Variants in DOT1L observed in about 807,000 individuals in gnomAD.
DOT1L encodes the protein DOT1 like histone lysine methyltransferase.
DOT1L carries 33 observed loss-of-function variants against 153.3 expected under a neutral mutation model. The ratio of observed to expected loss-of-function variants is 0.22; its 90% confidence interval spans 0.16 to 0.29. DOT1L has a LOEUF of 0.29. Among genes scored for constraint, DOT1L ranks in the 10% least tolerant of loss-of-function variants. DOT1L has a pLI of 1.00. For missense variants in DOT1L, 1,847 were observed against 2,119.9 expected, an observed-to-expected ratio of 0.87 and a Z score of 2.53; for synonymous variants, 1,135 against 965.1, an observed-to-expected ratio of 1.18 and a Z score of -3.26.
rs375259405 is a variant in DOT1L, at chr19:2,208,883, C to T, written c.964-52C>T. On this transcript the variant is annotated intron_variant, in intron 11 of 27. Coordinates refer to ENST00000398665, the MANE Select transcript of DOT1L (RefSeq NM_032482.3). The surrounding 1 kb of genome is among the most constrained non-coding windows in gnomAD (Gnocchi z 4.4). The stretch of plus-strand genomic sequence containing the variant: ...TGTTACCTGGGTGTCCAGACAAATC[C>T]GAACAGAGATTGGGACTCCCTTCTA... 3.6e-5 allele frequency: 57 copies of T among 1,586,878 alleles called. No individual in the cohort carries two copies. The highest frequency in any genetic ancestry group is 1.5e-4 in the South Asian group (13 of 88,482).
At chr19:2,214,123 T>A in intron 18 of DOT1L, 137 bp downstream of exon 18, 1 of 1,369,238 alleles carries the variant, frequency 7.3e-7, no homozygotes, top group Non-Finnish European at 9.8e-7. Flanking sequence ...TTGCGCCACC[T>A]GTGAAAGCTT....
chr19:2,170,526 T>C (rs2021556585), intron 1 of DOT1L, among the ~76,000 whole-genome samples: 2 of 152,168 alleles, frequency 1.3e-5, no homozygotes, highest in African/African-American at 4.8e-5. Flanking sequence ...TGTTTCCTAC[T>C]GGGCAGCCCC....
At chr19:2,216,097 A>C in intron 19 of DOT1L, 184 bp from the exon 20 acceptor site, 1 of 756,358 alleles carries the variant, frequency 1.3e-6, no homozygotes, top group East Asian at 2.8e-5. Flanking sequence ...GGCCCTCCAC[A>C]TGACTTTATT....
Position 2,230,389 on chromosome 19 carries a change from G to A in DOT1L, c.*597G>A. 2.5e-6 allele frequency: 1 copy of A among 405,782 alleles called. No individual in the cohort carries two copies. Among genetic ancestry groups the A allele is most frequent in the African/African-American group, 2.0e-5 (1 of 48,788 alleles). The allele number at this position is 405,782 out of a possible 1,614,324, so 25.1% of individuals were successfully genotyped here. ...CCCTGAGCTCTTCACCTTTACCCCGGCACTGTGAACCCCCAGACTGTTCAC... is the reference window on the plus strand; with the variant it reads ...CCCTGAGCTCTTCACCTTTACCCCGACACTGTGAACCCCCAGACTGTTCAC... On this transcript the variant is annotated 3_prime_UTR_variant, in exon 28 of 28. Transcript: ENST00000398665.
intron 3 of DOT1L, among the ~76,000 whole-genome samples, chr19:2,187,955 G>A (rs536685466): frequency 2.4e-4 from 36 of 149,568 alleles, no homozygotes; most frequent in Admixed American, 2.3e-3. Context: ...TGAAAAGACA[G>A]GAAGGGCCAG....
Position 2,186,434 on chromosome 19 carries a change from C to T in DOT1L, c.200+505C>T, listed in dbSNP as rs76410621. On this transcript the variant is annotated intron_variant, in intron 3 of 27. Transcript: ENST00000398665. ...GGCAGGGCTGTCTCTGGAATGCTTGCTTGGAAGTGTTTTGTTTTTCTTTGA... is the reference window on the plus strand; with the variant it reads ...GGCAGGGCTGTCTCTGGAATGCTTGTTTGGAAGTGTTTTGTTTTTCTTTGA... 6.1e-3 allele frequency among the ~76,000 whole-genome samples: 935 copies of T among 152,280 alleles called. 9 individuals are homozygous for T. The highest frequency in any genetic ancestry group is 0.019 in the African/African-American group (804 of 41,562).
intron 1 of DOT1L, among the ~76,000 whole-genome samples, chr19:2,164,912 T>G (rs540178145): frequency 9.8e-5 from 15 of 152,324 alleles, no homozygotes; most frequent in African/African-American, 3.6e-4. Flanking sequence ...TTATTTATCC[T>G]TGGAAATTGG....
intron 26 of DOT1L, 67 bp downstream of exon 26, chr19:2,225,519 G>A (rs1186590123): frequency 2.0e-6 from 3 of 1,524,180 alleles, no homozygotes; most frequent in Admixed American, 1.7e-5. Flanking sequence ...AGTCAGTGCT[G>A]CTGACCCACC....
At position 2,191,580 on chromosome 19, in the gene DOT1L, G is replaced by A. The variant is rs2022794500; in HGVS notation, c.493+340G>A. Among the ~76,000 whole-genome samples, 1 of 152,088 alleles carries A rather than the reference G, an allele frequency of 6.6e-6. No individual in the cohort carries two copies. Among genetic ancestry groups the A allele is most frequent in the Non-Finnish European group, 1.5e-5 (1 of 67,988 alleles). On this transcript the variant is annotated intron_variant, in intron 5 of 27. Coordinates refer to ENST00000398665, the MANE Select transcript of DOT1L (RefSeq NM_032482.3). This position sits in a 1 kb window ranked among gnomAD's most constrained non-coding sequence, Gnocchi z 6.8. Reference sequence around the variant, plus strand: ...CGCTCCCAGAAGCTGCCACTCGCTAGCCTGGGCCCCAGCCCGGGCCCCACC... The same window carrying A: ...CGCTCCCAGAAGCTGCCACTCGCTAACCTGGGCCCCAGCCCGGGCCCCACC...
rs1030809324 is a variant in DOT1L at position 2,222,999 on chromosome 19, T to C, written c.3391-282T>C. ...AGGCGGCCGACAGCTGTCTCTGGGG[T>C]TCGGAGTGCGATGCGCTGCCTGCAA... On this transcript the variant is annotated intron_variant, in intron 24 of 27. Coordinates refer to ENST00000398665, the MANE Select transcript of DOT1L (RefSeq NM_032482.3). This position sits in a 1 kb window ranked among gnomAD's most constrained non-coding sequence, Gnocchi z 6.5. 8.5e-6 allele frequency: 4 copies of C among 469,050 alleles called. No homozygotes were observed. The Admixed American group carries it at 1.2e-4, about 14-fold the overall frequency. The allele number at this position is 469,050 out of a possible 1,614,324, so 29.1% of individuals were successfully genotyped here.
chr19:2,168,762 C>T (rs2020020433), intron 1 of DOT1L, among the ~76,000 whole-genome samples: 1 of 152,036 alleles, frequency 6.6e-6, no homozygotes, highest in South Asian at 2.1e-4. Flanking sequence ...CTACAGGCAC[C>T]CGCCACCACG....
intron 2 of DOT1L, among the ~76,000 whole-genome samples, chr19:2,184,799 T>A (rs549914397): frequency 1.3e-5 from 2 of 152,310 alleles, no homozygotes; most frequent in Admixed American, 6.5e-5. Context: ...TTGCAGTGAC[T>A]AATTTTAGAG....
At chr19:2,186,959 T>C (rs986388503) in intron 3 of DOT1L, among the ~76,000 whole-genome samples, 11 of 152,344 alleles carry the variant, frequency 7.2e-5, no homozygotes, top group Admixed American at 3.3e-4. Flanking sequence ...TGCAGGGCCC[T>C]GCACAGAGCT....
chr19:2,200,806 G>GT (rs2023231282), intron 8 of DOT1L, among the ~76,000 whole-genome samples: 1 of 131,336 alleles, frequency 7.6e-6, no homozygotes, highest in African/African-American at 3.0e-5. Flanking sequence ...CGCATTCCTC[G>GT]TCCTCCCCAC....
intron 1 of DOT1L, among the ~76,000 whole-genome samples, chr19:2,172,544 A>T (rs1599531402): frequency 8.6e-6 from 1 of 115,780 alleles, no homozygotes; most frequent in African/African-American, 3.4e-5. Flanking sequence ...CACTCTTTTT[A>T]CTCAGGCTGG....
intron 1 of DOT1L, among the ~76,000 whole-genome samples, chr19:2,171,914 G>A (rs968615447): frequency 3.3e-5 from 5 of 152,188 alleles, no homozygotes; most frequent in African/African-American, 9.7e-5. Flanking sequence ...AAGAAGGGGC[G>A]GCTTTTGCAT....
chr19:2,199,228 C>G (rs2023144775), intron 7 of DOT1L, among the ~76,000 whole-genome samples: 1 of 152,236 alleles, frequency 6.6e-6, no homozygotes, highest in Admixed American at 6.5e-5. Context: ...GCTGGCCTTG[C>G]TGTGAGTGTG....
chr19:2,216,066 A>G (rs184314585), intron 19 of DOT1L: 59 of 563,934 alleles, frequency 1.0e-4, no homozygotes, highest in Non-Finnish European at 1.4e-4. Flanking sequence ...AGGTGCTTCC[A>G]TGTCAGCAAA....
chr19:2,211,409 T>C (rs2023708702), intron 15 of DOT1L, among the ~76,000 whole-genome samples, 197 bp downstream of exon 15: 1 of 152,212 alleles, frequency 6.6e-6, no homozygotes, highest in African/African-American at 2.4e-5. Context: ...GTCTGAGGTC[T>C]TACCCAGGAG....
Sources: gnomAD v4.1 joint callset for allele counts (sites outside exome capture counted in the v4.1 genomes callset) on GRCh38, gnomAD v4.1.1 for gene constraint, Gnocchi (gnomAD v3.1) non-coding constraint, MANE v1.5 for transcripts, NCBI Gene and HGNC (gene_info 2026-07-23, HGNC 2026-07-21) for gene names.